The following ELFN2 variants were observed in gnomAD, a reference collection of about 807,000 sequenced individuals.
ELFN2 encodes the protein protein phosphatase 1 regulatory subunit 29.
Under a neutral mutation model 45.5 loss-of-function variants are expected in ELFN2, and 17 were observed. The observed-to-expected ratio is 0.37, with a 90% confidence interval of 0.26 to 0.56. The LOEUF is 0.56. Among genes scored for constraint, ELFN2 ranks in the 20% least tolerant of loss-of-function variants. ELFN2 has a pLI of 0.77. For synonymous variants in ELFN2, 550 were observed against 551.5 expected (o/e 1.00, Z 0.04); for missense variants, 922 against 1,183.2 (o/e 0.78, Z 3.24).
At chr22:37,420,930 G>A (rs908930119) in intron 1 of ELFN2, among the ~76,000 whole-genome samples, 4 of 152,080 alleles carry the variant, frequency 2.6e-5, no homozygotes, top group African/African-American at 7.2e-5. Flanking sequence ...CAGAGACCCC[G>A]GGGAACATGC....
At chr22:37,380,464 G>A (rs893590202) in intron 2 of ELFN2, among the ~76,000 whole-genome samples, 7 of 152,110 alleles carry the variant, frequency 4.6e-5, no homozygotes, top group Admixed American at 1.3e-4. Flanking sequence ...CCAGGCTCCC[G>A]CTTGTGTGGC....
intron 2 of ELFN2, among the ~76,000 whole-genome samples, chr22:37,341,206 T>C (rs536152250): frequency 1.3e-5 from 2 of 152,150 alleles, no homozygotes; most frequent in East Asian, 3.9e-4. Flanking sequence ...GGTGCAGTCT[T>C]GACTGGGTCG....
intron 1 of ELFN2, among the ~76,000 whole-genome samples, chr22:37,346,733 C>T (rs778046353): frequency 6.6e-5 from 10 of 152,134 alleles, no homozygotes; most frequent in Non-Finnish European, 1.0e-4. Context: ...CTGTATGACA[C>T]ACACATGTGC....
At chr22:37,423,724 G>A (rs920824279) in intron 1 of ELFN2, among the ~76,000 whole-genome samples, 4 of 152,026 alleles carry the variant, frequency 2.6e-5, no homozygotes, top group Admixed American at 6.6e-5. Context: ...CAGCAGCATC[G>A]TGCAGCCAGC....
chr22:37,378,004 G>C (rs9610721), intron 2 of ELFN2, among the ~76,000 whole-genome samples: 2 of 152,086 alleles, frequency 1.3e-5, no homozygotes, highest in Non-Finnish European at 2.9e-5. Flanking sequence ...TCCACGAGCC[G>C]GCCTGTCAGA....
downstream of ELFN2, among the ~76,000 whole-genome samples, chr22:37,363,990 C>T (rs1351530602): frequency 6.6e-6 from 1 of 151,848 alleles, no homozygotes; most frequent in African/African-American, 2.4e-5. Flanking sequence ...AACCAGTTCC[C>T]CATGTGGGAG....
intron 1 of ELFN2, among the ~76,000 whole-genome samples, chr22:37,352,683 T>C (rs564592698): frequency 6.6e-6 from 1 of 150,458 alleles, no homozygotes; most frequent in East Asian, 1.9e-4. Flanking sequence ...CTGGAACACG[T>C]GTGGTTGTTT....
chr22:37,400,280 G>A (rs1210789498), intron 2 of ELFN2, among the ~76,000 whole-genome samples: 2 of 151,082 alleles, frequency 1.3e-5, no homozygotes, highest in African/African-American at 4.9e-5. Context: ...TCCACAGGCC[G>A]ACTCCCACTG....
chr22:37,421,158 T>A (rs1268246723), intron 1 of ELFN2, among the ~76,000 whole-genome samples: 1 of 152,088 alleles, frequency 6.6e-6, no homozygotes, highest in African/African-American at 2.4e-5. Context: ...TCCCGTGTGG[T>A]TGTTCCTCAA....
At chr22:37,345,853 C>G (rs1200332854) in intron 1 of ELFN2, among the ~76,000 whole-genome samples, 1 of 152,150 alleles carries the variant, frequency 6.6e-6, no homozygotes, top group Non-Finnish European at 1.5e-5. Context: ...GCCATGGCCT[C>G]CTTGCTTTTA....
At chr22:37,402,363 C>T (rs1239934047) in intron 2 of ELFN2, among the ~76,000 whole-genome samples, 2 of 152,198 alleles carry the variant, frequency 1.3e-5, no homozygotes, top group Non-Finnish European at 2.9e-5. Context: ...TGATGCCATC[C>T]AAACTGACCG....
chr22:37,374,102 C>A lies in ELFN2; in HGVS notation c.1433G>T (p.Gly478Val). 1 of 1,613,164 alleles carries A rather than the reference C, an allele frequency of 6.2e-7. No homozygotes were observed. Reference sequence around the variant, plus strand: ...CCCCTTGGCGGTGGGCAGCTTCTCCCCGATCATGGAGGGGATGGAGGCCAT... The same window carrying A: ...CCCCTTGGCGGTGGGCAGCTTCTCCACGATCATGGAGGGGATGGAGGCCAT... ...SRMASIPSMI[G>V]EKLPTAKGLE... The change falls in exon 3 of 3, where the codon GGG becomes GTG. Residue 478 changes from glycine (G) to valine (V), a missense_variant. Gly to Val is a moderately radical substitution (Grantham distance 109, BLOSUM62 -3). Transcript: ENST00000402918.
chr22:37,351,740 G>A (rs550460812), intron 1 of ELFN2, among the ~76,000 whole-genome samples: 4 of 151,012 alleles, frequency 2.6e-5, no homozygotes, highest in African/African-American at 9.6e-5. Flanking sequence ...CGCTCAGACT[G>A]TGTGGCCCCC....
chr22:37,343,105 C>T (rs1930600856), intron 1 of ELFN2, among the ~76,000 whole-genome samples: 1 of 152,018 alleles, frequency 6.6e-6, no homozygotes, highest in Non-Finnish European at 1.5e-5. Context: ...AGACTGAGGC[C>T]CTCAGAGGGA....
chr22:37,375,340 G>A lies in ELFN2; in HGVS notation c.195C>T (p.Asn65=). 1.9e-6 allele frequency: 3 copies of A among 1,614,170 alleles called. No individual in the cohort carries two copies. The highest frequency in any genetic ancestry group is 2.5e-6 in the Non-Finnish European group (3 of 1,180,030). The change falls in exon 3 of 3, where the codon AAC becomes AAT. Residue 65 remains asparagine, a synonymous_variant. Transcript: ENST00000402918. ...STVHDLRLNE[N]KLKAVLYSSL... is the part of the protein sequence containing the mutation. ...AGGAGTAGAGCACGGCTTTGAGCTT[G>A]TTCTCGTTGAGCCGCAGGTCGTGCA...
At chr22:37,380,963 C>T (rs1298378779) in intron 2 of ELFN2, among the ~76,000 whole-genome samples, 1 of 152,098 alleles carries the variant, frequency 6.6e-6, no homozygotes, top group African/African-American at 2.4e-5. Context: ...AACTACCGTT[C>T]GGTAAGTTAA....
intron 1 of ELFN2, among the ~76,000 whole-genome samples, chr22:37,348,608 G>T (rs1930750200): frequency 6.6e-6 from 1 of 150,598 alleles, no homozygotes; most frequent in African/African-American, 2.4e-5. Context: ...CAGGGCTCCT[G>T]TCCCACACTC....
rs1931315109 is a variant in ELFN2, at chr22:37,369,830, C to G, written c.*3242G>C. 6.5e-6 allele frequency: 1 copy of G among 153,050 alleles called. No individual in the cohort carries two copies. Among genetic ancestry groups the G allele is most frequent in the Non-Finnish European group, 1.5e-5 (1 of 68,472 alleles). The allele number at this position is 153,050 out of a possible 1,614,324, so 9.5% of individuals were successfully genotyped here. ...GCTCCACCGGGCCTCCATCTCCCCT[C>G]CCTCCCTGTGGCCCCCCCTGCCCTC... On this transcript the variant is annotated 3_prime_UTR_variant, in exon 3 of 3. Transcript: ENST00000402918.
At chr22:37,341,609 G>C (rs1040200939) in intron 2 of ELFN2, among the ~76,000 whole-genome samples, 2 of 152,204 alleles carry the variant, frequency 1.3e-5, no homozygotes, top group Admixed American at 6.5e-5. Context: ...TTTTCACACT[G>C]TCTGAGAACA....
Sources: allele counts gnomAD v4.1 joint callset (sites outside exome capture counted in the v4.1 genomes callset), GRCh38; gene constraint gnomAD v4.1.1; transcripts MANE v1.5; gene names NCBI Gene and HGNC (gene_info 2026-07-23, HGNC 2026-07-21).